NEO1: variants seen among roughly 807,000 people sequenced by gnomAD.
NEO1 encodes neogenin 1.
NEO1 carries 63 observed loss-of-function variants against 159.7 expected under a neutral mutation model. That is an observed-to-expected ratio of 0.39 (90% CI 0.32 to 0.49). NEO1 has a LOEUF of 0.49. Among genes scored for constraint, NEO1 ranks in the 20% least tolerant of loss-of-function variants. The probability of loss-of-function intolerance (pLI) is 0.85; values close to 1 mark genes in which losing one functional copy is unlikely to be tolerated. For missense variants in NEO1, 1,615 were observed against 1,831.0 expected, an observed-to-expected ratio of 0.88 and a Z score of 2.15; for synonymous variants, 633 against 662.0, an observed-to-expected ratio of 0.96 and a Z score of 0.67.
At chr15:73,197,305 G>A (rs1451772343) in intron 7 of NEO1, among the ~76,000 whole-genome samples, 1 of 152,158 alleles carries the variant, frequency 6.6e-6, no homozygotes, top group Admixed American at 6.5e-5. Flanking sequence ...TTTGCAGTGA[G>A]CTGAGATTGT....
chr15:73,260,253 T>C lies in NEO1; in HGVS notation c.2204-18T>C, dbSNP rs780251288. 1.2e-6 allele frequency: 2 copies of C among 1,608,732 alleles called. No homozygotes were observed. The highest frequency in any genetic ancestry group is 2.2e-5 in the East Asian group (1 of 44,766). On this transcript the variant is annotated intron_variant, in intron 14 of 28. Coordinates refer to ENST00000261908, the MANE Select transcript of NEO1 (RefSeq NM_002499.4). ...AGGACAGTATATCTCATCTTGCTTT[T>C]CCACTTTTCCTTCCCAGAAACTCGT... is the stretch of plus-strand genomic sequence containing the variant.
rs2040487008 is a variant in NEO1, at chr15:73,258,880, A to G, written c.2203+4A>G. ...ACTTTTGAAAGTGACCTAGATGGTA[A>G]GAATAACAATTGGCAAGACTGGAAC... On this transcript the variant is annotated splice_donor_region_variant and intron_variant, in intron 14 of 28. Transcript: ENST00000261908. 7 of 1,611,656 alleles carry G rather than the reference A, an allele frequency of 4.3e-6. No homozygotes were observed. Among genetic ancestry groups the G allele is most frequent in the South Asian group, 2.2e-5 (2 of 91,046 alleles).
At chr15:73,212,473 T>A (rs781749640) in intron 7 of NEO1, among the ~76,000 whole-genome samples, 12 of 152,254 alleles carry the variant, frequency 7.9e-5, no homozygotes, top group Non-Finnish European at 1.5e-4. Context: ...GAGTTTGTGT[T>A]CCTATTTCTT....
At chr15:73,090,709 T>TC (rs529996501) in intron 1 of NEO1, among the ~76,000 whole-genome samples, 1 of 152,158 alleles carries the variant, frequency 6.6e-6, no homozygotes, top group South Asian at 2.1e-4. Flanking sequence ...AATTTAAAAA[T>TC]TATCACTATC....
At position 73,298,087 on chromosome 15, in the gene NEO1, A is replaced by G. The variant is rs75054723; in HGVS notation, c.3902-261A>G. ...GAACCTTTACAAGTGCTTCATAATA[A>G]ATAATGAGGAGAACTTTAAATCTAC... On this transcript the variant is annotated intron_variant, in intron 26 of 28. Transcript: ENST00000261908. Among the ~76,000 whole-genome samples, 127 of 152,344 alleles carry G rather than the reference A, an allele frequency of 8.3e-4. 2 individuals are homozygous for G. In the East Asian group the frequency reaches 0.024, roughly 28 times the overall value.
rs187565220 is a variant in NEO1 at position 73,176,913 on chromosome 15, C to A, written c.1170+356C>A. Among the ~76,000 whole-genome samples, 497 of 152,170 alleles carry A rather than the reference C, an allele frequency of 3.3e-3. 2 individuals are homozygous for A. The highest frequency in any genetic ancestry group is 5.2e-3 in the Non-Finnish European group (357 of 68,006). ...CCAGTTGTCTTCACAGCTCTCTGTTCAAGAAGCAGAAATCTTTCCACACTT... is the reference window on the plus strand; with the variant it reads ...CCAGTTGTCTTCACAGCTCTCTGTTAAAGAAGCAGAAATCTTTCCACACTT... On this transcript the variant is annotated intron_variant, in intron 6 of 28. Transcript: ENST00000261908.
intron 8 of NEO1, among the ~76,000 whole-genome samples, chr15:73,240,475 G>T (rs1342816668): frequency 6.6e-6 from 1 of 152,206 alleles, no homozygotes; most frequent in Non-Finnish European, 1.5e-5. Flanking sequence ...CAGAGCTTTT[G>T]GCAGAAATTA....
At chr15:73,224,103 T>G (rs945866178) in intron 7 of NEO1, among the ~76,000 whole-genome samples, 1 of 152,206 alleles carries the variant, frequency 6.6e-6, no homozygotes, top group Admixed American at 6.5e-5. Flanking sequence ...ATAATTGTTA[T>G]GTTTGAGGAG....
intron 7 of NEO1, among the ~76,000 whole-genome samples, chr15:73,196,057 T>C (rs1028283966): frequency 1.3e-5 from 2 of 152,206 alleles, no homozygotes; most frequent in African/African-American, 4.8e-5. Flanking sequence ...AGAAATACCT[T>C]TCTGCTTTTT....
chr15:73,161,404 C>A (rs1008706046), intron 5 of NEO1, among the ~76,000 whole-genome samples: 1 of 152,134 alleles, frequency 6.6e-6, no homozygotes, highest in Non-Finnish European at 1.5e-5. Flanking sequence ...AATTTTCATA[C>A]ATATTTGCAT....
rs574769916 is a variant in NEO1 at position 73,249,885 on chromosome 15, A to G, written c.1894+164A>G. Among the ~76,000 whole-genome samples, 3 of 152,336 alleles carry G rather than the reference A, an allele frequency of 2.0e-5. No individual in the cohort carries two copies. The South Asian group carries it at 6.2e-4, about 32-fold the overall frequency. On this transcript the variant is annotated intron_variant, in intron 11 of 28. Coordinates refer to ENST00000261908, the MANE Select transcript of NEO1 (RefSeq NM_002499.4). ...AGTCTGAACATCTTTTTTCACGTGT[A>G]AAATGTAGATAATACCAACTTCATT...
intron 1 of NEO1, among the ~76,000 whole-genome samples, chr15:73,104,886 A>G (rs2070598032): frequency 6.6e-6 from 1 of 152,116 alleles, no homozygotes; most frequent in South Asian, 2.1e-4. Context: ...GGTCTCATGT[A>G]TCACCAGAAC....
At chr15:73,081,527 G>A (rs553708096) in intron 1 of NEO1, among the ~76,000 whole-genome samples, 4 of 151,840 alleles carry the variant, frequency 2.6e-5, no homozygotes, top group South Asian at 4.2e-4. Flanking sequence ...TTTCCAGAAC[G>A]TAGTATGGAT....
chr15:73,105,674 CA>C (rs2070653348), intron 1 of NEO1, among the ~76,000 whole-genome samples: 1 of 152,088 alleles, frequency 6.6e-6, no homozygotes, highest in Non-Finnish European at 1.5e-5. Context: ...TTATGACATT[CA>C]CTTTATTTTA....
At chr15:73,296,104 C>T (rs893106255) in intron 26 of NEO1, among the ~76,000 whole-genome samples, 2 of 152,152 alleles carry the variant, frequency 1.3e-5, no homozygotes, top group Non-Finnish European at 2.9e-5. Context: ...ATGTAGGCAA[C>T]CCCATTTTCC....
At chr15:73,053,045 A>C (rs2067532895) in intron 1 of NEO1, among the ~76,000 whole-genome samples, 1 of 151,884 alleles carries the variant, frequency 6.6e-6, no homozygotes, top group Non-Finnish European at 1.5e-5. Context: ...TCTAGTTCCC[A>C]GCTTTGTACC....
chr15:73,144,434 C>T (rs1283365437), intron 5 of NEO1, among the ~76,000 whole-genome samples: 1 of 152,202 alleles, frequency 6.6e-6, no homozygotes, highest in Non-Finnish European at 1.5e-5. Context: ...AGTGCATTGA[C>T]GTCTTTAATC....
chr15:73,086,216 T>C (rs890918244), intron 1 of NEO1, among the ~76,000 whole-genome samples: 21 of 152,228 alleles, frequency 1.4e-4, no homozygotes, highest in African/African-American at 4.3e-4. Flanking sequence ...TTAGGACTTA[T>C]GTCAGAAATC....
chr15:73,151,292 G>T (rs1271238703), intron 5 of NEO1, among the ~76,000 whole-genome samples: 1 of 152,080 alleles, frequency 6.6e-6, no homozygotes, highest in Non-Finnish European at 1.5e-5. Flanking sequence ...CTGGGTAGAT[G>T]GTACATGTTA....
Sources: allele counts gnomAD v4.1 joint callset (sites outside exome capture counted in the v4.1 genomes callset), GRCh38; gene constraint gnomAD v4.1.1; transcripts MANE v1.5; gene names NCBI Gene and HGNC (gene_info 2026-07-23, HGNC 2026-07-21).